HDAC4: variants seen among roughly 807,000 people sequenced by gnomAD.
HDAC4 encodes the protein histone deacetylase A.
A neutral mutation model predicts 135.1 loss-of-function variants in HDAC4; 16 were observed. That is an observed-to-expected ratio of 0.12 (90% CI 0.08 to 0.18). The LOEUF (loss-of-function observed/expected upper bound fraction) is 0.18, where lower values mean the gene tolerates loss of function less well. HDAC4 is among the 10% of genes least tolerant of loss of function. The pLI, the probability that HDAC4 is intolerant of heterozygous loss-of-function variation, is 1.00. For synonymous variants in HDAC4, 685 were observed against 653.4 expected, an observed-to-expected ratio of 1.05 and a Z score of -0.74; for missense variants, 1,143 against 1,511.8, an observed-to-expected ratio of 0.76 and a Z score of 4.05.
At chr2:239,267,685 G>A (rs988407252) in intron 2 of HDAC4, among the ~76,000 whole-genome samples, 2 of 152,262 alleles carry the variant, frequency 1.3e-5, no homozygotes, top group Non-Finnish European at 2.9e-5. Context: ...GGGGCCCTGC[G>A]CCCTTCTACA....
rs1015881708 is a variant in HDAC4, at chr2:239,262,022, G to A, written c.23-25358C>T. ...TTCCCTGAAGGCCCCAGACACAGAG[G>A]CCCTAGGTGGGAATCCAGCAGGGTG... On this transcript the variant is annotated intron_variant, in intron 2 of 26. Transcript: ENST00000543185. This position sits in a 1 kb window ranked among gnomAD's most constrained non-coding sequence, Gnocchi z 4.1. Among the ~76,000 whole-genome samples the A allele has an allele frequency of 6.6e-6, 1 of 152,168 alleles. No homozygotes were observed. The highest frequency in any genetic ancestry group is 1.5e-5 in the Non-Finnish European group (1 of 68,022).
At chr2:239,170,840 G>C (rs1278138030) in intron 5 of HDAC4, among the ~76,000 whole-genome samples, 7 of 152,156 alleles carry the variant, frequency 4.6e-5, no homozygotes, top group African/African-American at 1.7e-4. Flanking sequence ...AGAGGCCCTT[G>C]ATAGGGCCAC....
chr2:239,251,045 G>T (rs1340416044), intron 2 of HDAC4, among the ~76,000 whole-genome samples: 1 of 152,184 alleles, frequency 6.6e-6, no homozygotes, highest in African/African-American at 2.4e-5. Flanking sequence ...GGCCCTGTGG[G>T]CGCCGTCAGC....
intron 2 of HDAC4, among the ~76,000 whole-genome samples, chr2:239,297,803 G>T (rs1197671319): frequency 6.6e-6 from 1 of 152,234 alleles, no homozygotes; most frequent in Non-Finnish European, 1.5e-5. Context: ...ATCTTAGAAA[G>T]ACTATGTTTA....
chr2:239,186,866 C>T (rs1183727837), intron 4 of HDAC4: 3 of 152,178 alleles, frequency 2.0e-5, no homozygotes, highest in African/African-American at 2.4e-5. Context: ...CTTGAGGAGC[C>T]CCAGTCAAAC....
chr2:239,311,703 C>A (rs1353621056), intron 2 of HDAC4, among the ~76,000 whole-genome samples: 2 of 152,200 alleles, frequency 1.3e-5, no homozygotes, highest in Non-Finnish European at 2.9e-5. Context: ...CTGTTCTACG[C>A]AAACATTACA....
At chr2:239,168,448 T>G (rs1410493382) in intron 5 of HDAC4, among the ~76,000 whole-genome samples, 1 of 152,208 alleles carries the variant, frequency 6.6e-6, no homozygotes, top group Admixed American at 6.5e-5. Flanking sequence ...TTCTGTCAAA[T>G]GAATTGCATT....
chr2:239,157,536 C>T (rs1267244128), intron 6 of HDAC4, among the ~76,000 whole-genome samples: 2 of 152,274 alleles, frequency 1.3e-5, no homozygotes, highest in South Asian at 2.1e-4. Flanking sequence ...TGGGCCGGGA[C>T]GGGGATGTGG....
At chr2:239,282,445 C>G (rs2050839847) in intron 2 of HDAC4, among the ~76,000 whole-genome samples, 2 of 150,082 alleles carry the variant, frequency 1.3e-5, no homozygotes, top group Middle Eastern at 3.6e-3. Flanking sequence ...ACACAGCACT[C>G]TCAATGTACA....
rs1203394666 is a variant in HDAC4, at chr2:239,176,521, G to A, written c.382C>T (p.Leu128=). Residue 128 remains leucine (L), a synonymous_variant, in exon 5 of 27, where the codon CTG becomes TTG. Coordinates refer to ENST00000543185, the MANE Select transcript of HDAC4 (RefSeq NM_001378414.1). Reference sequence around the variant, plus strand: ...CTCTCCAGCTTCCGCTGGTGTTCCAGCAGCTCCTGCTGGTGCTTCATGGCC... The same window carrying A: ...CTCTCCAGCTTCCGCTGGTGTTCCAACAGCTCCTGCTGGTGCTTCATGGCC... The part of the protein sequence containing the change: ...MLAMKHQQEL[L]EHQRKLERHR... 6.2e-7 allele frequency: 1 copy of A among 1,613,308 alleles called. No individual in the cohort carries two copies. Among genetic ancestry groups the A allele is most frequent in the East Asian group, 2.2e-5 (1 of 44,850 alleles).
Position 239,285,232 on chromosome 2 carries a change from C to G in HDAC4, c.23-48568G>C, listed in dbSNP as rs1263834226. ...AGCACAGAGCCACGGTGGAGGGGGA[C>G]AGAGCCACGCTAAGGAGGAACACAG... is the stretch of plus-strand genomic sequence containing the variant. On this transcript the variant is annotated intron_variant, in intron 2 of 26. Coordinates refer to ENST00000543185, the MANE Select transcript of HDAC4 (RefSeq NM_001378414.1). This position sits in a 1 kb window ranked among gnomAD's most constrained non-coding sequence, Gnocchi z 4.5. Among the ~76,000 whole-genome samples, 1 of 152,212 alleles carries G rather than the reference C, an allele frequency of 6.6e-6. No homozygotes were observed. The highest frequency in any genetic ancestry group is 2.4e-5 in the African/African-American group (1 of 41,456).
intron 20 of HDAC4, among the ~76,000 whole-genome samples, chr2:239,082,936 TGAG>T (rs1223821416): frequency 1.3e-5 from 2 of 152,214 alleles, no homozygotes; most frequent in Non-Finnish European, 2.9e-5. Flanking sequence ...GCTGTGTGCC[TGAG>T]AAGACAGCAT....
intron 22 of HDAC4, among the ~76,000 whole-genome samples, chr2:239,070,456 C>T (rs1311921403): frequency 6.6e-6 from 1 of 152,240 alleles, no homozygotes; most frequent in Non-Finnish European, 1.5e-5. Flanking sequence ...TCAGTGTGTG[C>T]TATGAATCCA....
chr2:239,306,252 G>T lies in HDAC4; in HGVS notation c.22+46426C>A, dbSNP rs575453585. Among the ~76,000 whole-genome samples, 1 of 152,110 alleles carries T rather than the reference G, an allele frequency of 6.6e-6. No homozygotes were observed. Among genetic ancestry groups the T allele is most frequent in the Non-Finnish European group, 1.5e-5 (1 of 67,974 alleles). ...CATTTCCCATCTTTTCATACATTTAGAAGGCAAAAAAAGTTCATCTTTCTA... is the reference window on the plus strand; with the variant it reads ...CATTTCCCATCTTTTCATACATTTATAAGGCAAAAAAAGTTCATCTTTCTA... On this transcript the variant is annotated intron_variant, in intron 2 of 26. Coordinates refer to ENST00000543185, the MANE Select transcript of HDAC4 (RefSeq NM_001378414.1). The surrounding 1 kb of genome is among the most constrained non-coding windows in gnomAD (Gnocchi z 4.5).
At chr2:239,386,551 G>C (rs1044249217) in intron 1 of HDAC4, among the ~76,000 whole-genome samples, 1 of 152,218 alleles carries the variant, frequency 6.6e-6, no homozygotes, top group African/African-American at 2.4e-5. Flanking sequence ...AGGCGTCCAT[G>C]CAGAGGCATG....
At chr2:239,363,967 G>A (rs1200975752) in intron 1 of HDAC4, among the ~76,000 whole-genome samples, 1 of 152,172 alleles carries the variant, frequency 6.6e-6, no homozygotes, top group Non-Finnish European at 1.5e-5. Flanking sequence ...ACACACACAA[G>A]GTCCTGCGCA....
At chr2:239,101,661 G>A (rs1169331904) in intron 16 of HDAC4, among the ~76,000 whole-genome samples, 1 of 152,188 alleles carries the variant, frequency 6.6e-6, no homozygotes, top group Non-Finnish European at 1.5e-5. Flanking sequence ...GGCAGTGACT[G>A]TCCTGGTTCA....
chr2:239,111,672 C>A lies in HDAC4; in HGVS notation c.1832G>T (p.Arg611Met). The A allele has an allele frequency of 6.2e-7, 1 of 1,604,920 alleles. No individual in the cohort carries two copies. The highest frequency in any genetic ancestry group is 1.7e-4 in the Middle Eastern group (1 of 6,014). ...LLEQQRIHQL[R>M]NYQASMEAAG... Reference sequence around the variant, plus strand: ...GGCCTCCATGGACGCCTGGTAGTTCCTCAGCTGGTGGATCCGCTGCTGCTC... The same window carrying A: ...GGCCTCCATGGACGCCTGGTAGTTCATCAGCTGGTGGATCCGCTGCTGCTC... Residue 611 changes from arginine (R) to methionine (M), a missense_variant, in exon 14 of 27, where the codon AGG becomes ATG. Coordinates refer to ENST00000543185, the MANE Select transcript of HDAC4 (RefSeq NM_001378414.1).
At chr2:239,196,714 G>A (rs914811396) in intron 3 of HDAC4, among the ~76,000 whole-genome samples, 6 of 152,198 alleles carry the variant, frequency 3.9e-5, no homozygotes, top group African/African-American at 1.4e-4. Flanking sequence ...GGTCTGGGGG[G>A]TGAGCTGCCC....
Sources: gnomAD v4.1 joint callset for allele counts (sites outside exome capture counted in the v4.1 genomes callset) on GRCh38, gnomAD v4.1.1 for gene constraint, Gnocchi (gnomAD v3.1) non-coding constraint, MANE v1.5 for transcripts, NCBI Gene and HGNC (gene_info 2026-07-23, HGNC 2026-07-21) for gene names.